EFCAB6: variants seen among roughly 807,000 people sequenced by gnomAD.
The protein encoded by EFCAB6 is EF-hand calcium-binding domain-containing protein 6.
Under a neutral mutation model 169.8 loss-of-function variants are expected in EFCAB6, and 156 were observed. That is an observed-to-expected ratio of 0.92 (90% confidence interval 0.81 to 1.05). The LOEUF (loss-of-function observed/expected upper bound fraction) is 1.05, where lower values mean the gene tolerates loss of function less well. Ranked by LOEUF, EFCAB6 falls within the 50% of genes least tolerant of loss-of-function variation. The pLI is 0.00. For missense variants in EFCAB6, 1,800 were observed against 1,829.1 expected (o/e 0.98, Z 0.29); for synonymous variants, 698 against 676.4 (o/e 1.03, Z -0.50).
At chr22:43,790,737 G>C (rs1054195408) in intron 2 of EFCAB6, among the ~76,000 whole-genome samples, 3 of 152,166 alleles carry the variant, frequency 2.0e-5, no homozygotes, top group African/African-American at 7.2e-5. Flanking sequence ...TGTATGTCAC[G>C]AATAGGCTTA....
chr22:43,543,788 G>C (rs547011392), intron 27 of EFCAB6, among the ~76,000 whole-genome samples: 1 of 152,138 alleles, frequency 6.6e-6, no homozygotes, highest in African/African-American at 2.4e-5. Flanking sequence ...GCAAGAGAGG[G>C]AAAGGGACCC....
chr22:43,679,364 C>T (rs935679568), intron 12 of EFCAB6, among the ~76,000 whole-genome samples: 2 of 152,094 alleles, frequency 1.3e-5, no homozygotes, highest in African/African-American at 2.4e-5. Context: ...CATTACATTG[C>T]CAGATTTTGT....
intron 3 of EFCAB6, among the ~76,000 whole-genome samples, chr22:43,779,464 G>A (rs1473552125): frequency 6.6e-6 from 1 of 152,136 alleles, no homozygotes; most frequent in African/African-American, 2.4e-5. Context: ...AAAAAATGCC[G>A]GGCACGGTGG....
In EFCAB6 at chr22:43,744,111, A is replaced by G. The variant is rs1005503414; in HGVS notation, c.508-8118T>C. ...TGATGAATGAATGAATGAATGAATG[A>G]ATGGATGGGTTATGGATGGATGGAT... On this transcript the variant is annotated intron_variant, in intron 6 of 31. Transcript: ENST00000262726. The surrounding 1 kb of genome is among the most constrained non-coding windows in gnomAD (Gnocchi z 4.3). Among the ~76,000 whole-genome samples the G allele has an allele frequency of 8.0e-5, 12 of 149,530 alleles. No individual in the cohort carries two copies. The highest frequency in any genetic ancestry group is 2.0e-4 in the East Asian group (1 of 5,040).
intron 10 of EFCAB6, among the ~76,000 whole-genome samples, chr22:43,693,707 T>C (rs554397166): frequency 2.2e-3 from 331 of 151,980 alleles, no homozygotes; most frequent in African/African-American, 7.7e-3. Flanking sequence ...AAATTCTCTG[T>C]ACTGTCTTTA....
chr22:43,695,453 C>T (rs915287368), intron 10 of EFCAB6, among the ~76,000 whole-genome samples: 10 of 151,898 alleles, frequency 6.6e-5, no homozygotes, highest in African/African-American at 1.7e-4. Context: ...TAAATCCTAG[C>T]AGGCTTTCAA....
intron 21 of EFCAB6, among the ~76,000 whole-genome samples, chr22:43,609,087 T>C (rs2053125504): frequency 6.6e-6 from 1 of 152,232 alleles, no homozygotes; most frequent in African/African-American, 2.4e-5. Context: ...GACCACAGAC[T>C]TGAATAAGCT....
chr22:43,673,889 C>A (rs2057604413), intron 13 of EFCAB6, among the ~76,000 whole-genome samples: 1 of 151,588 alleles, frequency 6.6e-6, no homozygotes, highest in Non-Finnish European at 1.5e-5. Flanking sequence ...GTGGCGTGAA[C>A]CTGGGAGGCA....
rs35328403 is a variant in EFCAB6, at chr22:43,671,991, G to C, written c.1622C>G (p.Thr541Arg). 1.2e-6 allele frequency: 2 copies of C among 1,612,762 alleles called. No individual in the cohort carries two copies. The highest frequency in any genetic ancestry group is 4.5e-5 in the East Asian group (2 of 44,872). ...KIMHVFCPFL[T>R]NAHFIKLCSK... Reference sequence around the variant, plus strand: ...AACTTACTTTATGAAATGTGCATTCGTTAAAAATGGACAGAAGACGTGCAT... The same window carrying C: ...AACTTACTTTATGAAATGTGCATTCCTTAAAAATGGACAGAAGACGTGCAT... Residue 541 changes from threonine (T) to arginine (R), a missense_variant, in exon 15 of 32, where the codon ACG (threonine) becomes AGG (arginine). Transcript: ENST00000262726.
At chr22:43,713,521 G>A (rs2059230259) in intron 9 of EFCAB6, among the ~76,000 whole-genome samples, 2 of 152,166 alleles carry the variant, frequency 1.3e-5, no homozygotes, top group African/African-American at 4.8e-5. Context: ...GAGTGCTCAC[G>A]TGCTTCTGGT....
At chr22:43,738,628 T>C (rs892167196) in intron 6 of EFCAB6, among the ~76,000 whole-genome samples, 25 of 151,802 alleles carry the variant, frequency 1.6e-4, no homozygotes, top group Non-Finnish European at 3.1e-4. Flanking sequence ...TTCTCTTGCA[T>C]ATATATTCAC....
At chr22:43,637,476 C>T (rs930203025) in intron 17 of EFCAB6, among the ~76,000 whole-genome samples, 7 of 152,212 alleles carry the variant, frequency 4.6e-5, no homozygotes, top group African/African-American at 1.7e-4. Flanking sequence ...GCTGTATCTA[C>T]GCTGGTCCAA....
intron 6 of EFCAB6, among the ~76,000 whole-genome samples, chr22:43,743,980 T>C (rs1603307794): frequency 6.8e-6 from 1 of 147,728 alleles, no homozygotes; most frequent in Admixed American, 6.8e-5. Context: ...GGATGATGGA[T>C]AGATAGGTAA....
At chr22:43,640,152 A>AT (rs957101935) in intron 17 of EFCAB6, among the ~76,000 whole-genome samples, 4 of 152,016 alleles carry the variant, frequency 2.6e-5, no homozygotes, top group African/African-American at 9.7e-5. Context: ...GAAAGATCAC[A>AT]TTTTTTCTGT....
At chr22:43,680,671 A>G (rs1317658114) in intron 12 of EFCAB6, among the ~76,000 whole-genome samples, 1 of 152,150 alleles carries the variant, frequency 6.6e-6, no homozygotes, top group Non-Finnish European at 1.5e-5. Flanking sequence ...ACTTCTTTTG[A>G]TAAATTTATT....
chr22:43,766,317 GCCA>G (rs759202169), intron 4 of EFCAB6, among the ~76,000 whole-genome samples: 2 of 151,434 alleles, frequency 1.3e-5, no homozygotes, highest in Non-Finnish European at 2.9e-5. Context: ...ACAGGCATGA[GCCA>G]CCACACCTGG....
intron 8 of EFCAB6, among the ~76,000 whole-genome samples, chr22:43,731,016 C>T (rs973167658): frequency 3.3e-5 from 5 of 152,070 alleles, no homozygotes; most frequent in Non-Finnish European, 7.4e-5. Flanking sequence ...AAGCACTAGA[C>T]CACTGAGGGG....
At chr22:43,712,122 TC>T (rs1385019701) in intron 9 of EFCAB6, among the ~76,000 whole-genome samples, 1 of 152,192 alleles carries the variant, frequency 6.6e-6, no homozygotes, top group Non-Finnish European at 1.5e-5. Context: ...ATCATCCTTT[TC>T]TTTTTTTTAA....
intron 8 of EFCAB6, among the ~76,000 whole-genome samples, chr22:43,727,578 A>G (rs2147566621): frequency 6.6e-6 from 1 of 152,322 alleles, no homozygotes; most frequent in African/African-American, 2.4e-5. Context: ...TTATGTGTTT[A>G]TGGTGTATGT....
Sources: allele counts gnomAD v4.1 joint callset (sites outside exome capture counted in the v4.1 genomes callset), GRCh38; gene constraint gnomAD v4.1.1; non-coding constraint Gnocchi (gnomAD v3.1); transcripts MANE v1.5; gene names NCBI Gene and HGNC (gene_info 2026-07-23, HGNC 2026-07-21).